The following COL11A1 variants were observed in gnomAD, a reference collection of about 807,000 sequenced individuals.
The protein encoded by COL11A1 is collagen type XI alpha 1 chain.
Under a neutral mutation model 265.2 loss-of-function variants are expected in COL11A1, and 74 were observed. The observed-to-expected ratio is 0.28, with a 90% confidence interval of 0.23 to 0.34. The LOEUF is 0.34. Ranked by LOEUF, COL11A1 falls within the 10% of genes least tolerant of loss-of-function variation. The pLI is 1.00. For missense variants in COL11A1, 2,165 were observed against 2,263.6 expected, an observed-to-expected ratio of 0.96 and a Z score of 0.88; for synonymous variants, 816 against 727.6, an observed-to-expected ratio of 1.12 and a Z score of -1.96.
chr1:103,051,872 T>C (rs3850459), intron 4 of COL11A1, among the ~76,000 whole-genome samples: 26,852 of 152,194 alleles, frequency 0.18, 2,451 homozygotes, highest in Middle Eastern at 0.2. Flanking sequence ...TCAGGATAGT[T>C]CCACAGCCTT....
At chr1:102,905,212 A>T (rs1190071170) in intron 54 of COL11A1, among the ~76,000 whole-genome samples, 1 of 112,016 alleles carries the variant, frequency 8.9e-6, no homozygotes, top group Non-Finnish European at 1.7e-5. Context: ...ATCACACACC[A>T]GGGACTGTTG....
chr1:103,021,084 T>G (rs1236797192), intron 9 of COL11A1, among the ~76,000 whole-genome samples: 1 of 150,556 alleles, frequency 6.6e-6, no homozygotes, highest in Non-Finnish European at 1.5e-5. Context: ...TACCTTCAGT[T>G]CTAATACATT....
chr1:102,918,467 T>C (rs900683836), intron 49 of COL11A1, among the ~76,000 whole-genome samples: 1 of 151,630 alleles, frequency 6.6e-6, no homozygotes, highest in Non-Finnish European at 1.5e-5. Flanking sequence ...TGTCAGTGAC[T>C]GGAAATAAAT....
intron 11 of COL11A1, among the ~76,000 whole-genome samples, chr1:103,017,032 G>A (rs1236734824): frequency 6.6e-6 from 1 of 151,882 alleles, no homozygotes; most frequent in Non-Finnish European, 1.5e-5. Context: ...TAACTAAAAT[G>A]ACTATTACAC....
At chr1:103,095,443 G>A (rs74802551) in intron 1 of COL11A1, among the ~76,000 whole-genome samples, 2 of 151,880 alleles carry the variant, frequency 1.3e-5, no homozygotes, top group African/African-American at 4.8e-5. Flanking sequence ...AACAGGCAAG[G>A]CCTCAATAAG....
intron 4 of COL11A1, among the ~76,000 whole-genome samples, chr1:103,035,244 T>A (rs36005955): frequency 0.081 from 12,274 of 152,028 alleles, 550 homozygotes; most frequent in Middle Eastern, 0.16. Context: ...AAGTCTCCTT[T>A]TGGGCATCTC....
At chr1:102,914,680 T>C in intron 51 of COL11A1, 24 bp downstream of exon 51, 1 of 1,565,154 alleles carries the variant, frequency 6.4e-7, no homozygotes. Context: ...AAATGCCACA[T>C]TAGAGGGGAC....
chr1:102,938,771 G>T (rs1286545987), intron 44 of COL11A1, among the ~76,000 whole-genome samples: 1 of 151,996 alleles, frequency 6.6e-6, no homozygotes, highest in African/African-American at 2.4e-5. Context: ...ATACAAAAAA[G>T]ACTATTTCAT....
rs754241471 is a variant in COL11A1 at position 103,008,468 on chromosome 1, G to C, written c.1678C>G (p.Pro560Ala). 5 of 1,613,552 alleles carry C rather than the reference G, an allele frequency of 3.1e-6. No individual in the cohort carries two copies. The highest frequency in any genetic ancestry group is 4.2e-6 in the Non-Finnish European group (5 of 1,179,700). The change falls in exon 15 of 67, where the codon CCT (proline) becomes GCT (alanine). Residue 560 changes from proline to alanine, a missense_variant. Transcript: ENST00000370096. Reference sequence around the variant, plus strand: ...GTCAAATTTTTATTTTTTACCTGAGGACCTGGATCACCACTCTCACCTTTG... The same window carrying C: ...GTCAAATTTTTATTTTTTACCTGAGCACCTGGATCACCACTCTCACCTTTG... ...GAKGESGDPG[P>A]QGPRGVQGPP...
rs1321602196 is a variant in COL11A1, at chr1:103,002,496, T to C, written c.2044-15A>G. The C allele has an allele frequency of 1.3e-6, 2 of 1,599,220 alleles. No individual in the cohort carries two copies. Among genetic ancestry groups the C allele is most frequent in the Non-Finnish European group, 1.7e-6 (2 of 1,172,076 alleles). ...CCTTGGGGACCCTGCCAGAGGAAAA[T>C]ATAAAAAGTTTTTAATGGGCTATAT... On this transcript the variant is annotated splice_polypyrimidine_tract_variant and intron_variant, in intron 22 of 66. Coordinates refer to ENST00000370096, the MANE Select transcript of COL11A1 (RefSeq NM_001854.4).
intron 46 of COL11A1, among the ~76,000 whole-genome samples, chr1:102,931,731 C>A (rs976879494): frequency 6.6e-6 from 1 of 151,938 alleles, no homozygotes; most frequent in African/African-American, 2.4e-5. Flanking sequence ...GGAGTTAAGT[C>A]TCTTTGTAGG....
At chr1:103,039,788 A>C (rs1354268771) in intron 4 of COL11A1, among the ~76,000 whole-genome samples, 1 of 152,096 alleles carries the variant, frequency 6.6e-6, no homozygotes, top group Non-Finnish European at 1.5e-5. Flanking sequence ...TAACAGAGCA[A>C]AGGTCATTTC....
At chr1:102,912,914 T>C (rs865807495) in intron 53 of COL11A1, among the ~76,000 whole-genome samples, 1 of 152,178 alleles carries the variant, frequency 6.6e-6, no homozygotes, top group South Asian at 2.1e-4. Context: ...TCCTGAGGCC[T>C]TCCCAGCCAT....
At chr1:102,962,822 A>C in intron 38 of COL11A1, 62 bp from the exon 39 acceptor site, 1 of 1,424,810 alleles carries the variant, frequency 7.0e-7, no homozygotes, top group Non-Finnish European at 9.9e-7. Flanking sequence ...GATAACACAA[A>C]CTCAAAAACA....
intron 2 of COL11A1, 148 bp from the exon 3 acceptor site, chr1:103,079,019 T>A (rs1431176357): frequency 1.1e-5 from 7 of 640,272 alleles, no homozygotes. Context: ...TAAATAGGGG[T>A]CCTCCATTAA....
At position 102,996,022 on chromosome 1, in the gene COL11A1, A is replaced by T; in HGVS notation, c.2262T>A (p.Gly754=). The T allele has an allele frequency of 6.2e-7, 1 of 1,613,322 alleles. No homozygotes were observed. The highest frequency in any genetic ancestry group is 8.5e-7 in the Non-Finnish European group (1 of 1,179,524). ...KGALGPPGPQ[G]PIGYPGPRGV... The stretch of plus-strand genomic sequence containing the variant: ...CCCGGGGGCCCGGGTATCCAATAGG[A>T]CCTTGTGGACCAGGGGGACCCTGAA... Residue 754 remains glycine, a synonymous_variant, in exon 27 of 67, where the codon GGT becomes GGA. Transcript: ENST00000370096.
chr1:103,006,409 T>C, intron 15 of COL11A1, 94 bp from the exon 16 acceptor site: 2 of 825,664 alleles, frequency 2.4e-6, no homozygotes, highest in East Asian at 6.0e-5. Context: ...ACTAATATCC[T>C]CTTAGCGTTA....
intron 4 of COL11A1, among the ~76,000 whole-genome samples, chr1:103,054,292 C>A (rs756588048): frequency 1.6e-4 from 24 of 152,212 alleles, no homozygotes; most frequent in Middle Eastern, 3.4e-3. Context: ...AATGCACATG[C>A]GAACCAAAGA....
chr1:103,100,440 C>G (rs1197246310), intron 1 of COL11A1: 1 of 151,968 alleles, frequency 6.6e-6, no homozygotes, highest in Non-Finnish European at 1.5e-5. Flanking sequence ...CAGAAACTCC[C>G]CTTTCAATCC....
Sources: gnomAD v4.1 joint callset for allele counts (sites outside exome capture counted in the v4.1 genomes callset) on GRCh38, gnomAD v4.1.1 for gene constraint, MANE v1.5 for transcripts, NCBI Gene and HGNC (gene_info 2026-07-23, HGNC 2026-07-21) for gene names.